Variants in PCDHGA5 observed in about 807,000 individuals in gnomAD.
The protein encoded by PCDHGA5 is protocadherin gamma subfamily A, 5.
Under a neutral mutation model 56.7 loss-of-function variants are expected in PCDHGA5, and 36 were observed. The ratio of observed to expected loss-of-function variants is 0.64; its 90% CI spans 0.49 to 0.84. PCDHGA5 has a LOEUF of 0.84. Among genes scored for constraint, PCDHGA5 ranks in the 40% least tolerant of loss-of-function variants. PCDHGA5 has a pLI of 0.00. For synonymous variants in PCDHGA5, 563 were observed against 520.2 expected, an observed-to-expected ratio of 1.08 and a Z score of -1.12; for missense variants, 1,305 against 1,201.5, an observed-to-expected ratio of 1.09 and a Z score of -1.27.
In PCDHGA5 at chr5:141,490,692, G is replaced by C. The variant is rs751109998; in HGVS notation, c.2422-4115G>C. 16 of 1,614,154 alleles carry C rather than the reference G, an allele frequency of 9.9e-6. 1 individual carries two copies. The Middle Eastern group carries it at 6.6e-4, about 67-fold the overall frequency. ...TGGCTGCCTCAGATCCAGACACTGG[G>C]GATAATGCCCGCCTCACCTACTCCA... On this transcript the variant is annotated intron_variant, in intron 1 of 3. Transcript: ENST00000518069. This position sits in a 1 kb window ranked among gnomAD's most constrained non-coding sequence, Gnocchi z 5.4.
chr5:141,419,240 G>T, intron 1 of PCDHGA5: 1 of 1,613,980 alleles, frequency 6.2e-7, no homozygotes. Flanking sequence ...CCTGGTCCAC[G>T]TGCCAGAAAA....
intron 1 of PCDHGA5, chr5:141,403,495 C>A: frequency 6.2e-7 from 1 of 1,614,014 alleles, no homozygotes; most frequent in Non-Finnish European, 8.5e-7. Context: ...TCTCCCTGAA[C>A]GTGCAGACTG....
In PCDHGA5 at chr5:141,512,848, G is replaced by C. The variant is rs1362051688; in HGVS notation, c.*1675G>C. The C allele has an allele frequency of 6.6e-6, 1 of 152,216 alleles. No individual in the cohort carries two copies. 9.4% of individuals were successfully genotyped at this position (152,216 alleles called of 1,614,324 possible). ...CCCCGTACTGACTTCTCCTATAAGC[G>C]CTTCTCTTCGCATAGTCACGTAGCT... On this transcript the variant is annotated 3_prime_UTR_variant, in exon 4 of 4. Transcript: ENST00000518069.
intron 1 of PCDHGA5, among the ~76,000 whole-genome samples, chr5:141,445,652 A>C (rs1307606419): frequency 6.6e-6 from 1 of 152,212 alleles, no homozygotes; most frequent in African/African-American, 2.4e-5. Context: ...TGAATAGATT[A>C]ATAGGATGAG....
At chr5:141,426,825 A>G (rs747894160) in intron 1 of PCDHGA5, 26 of 456,582 alleles carry the variant, frequency 5.7e-5, no homozygotes, top group Non-Finnish European at 9.3e-5. Context: ...CTCTCTGATG[A>G]TGGACAAGAC....
intron 1 of PCDHGA5, among the ~76,000 whole-genome samples, chr5:141,458,596 G>A (rs907922436): frequency 1.8e-4 from 27 of 151,842 alleles, no homozygotes; most frequent in African/African-American, 5.8e-4. Flanking sequence ...TTGGAGACGA[G>A]TCTCACTCTG....
At chr5:141,402,335 G>A (rs1157845729) in intron 1 of PCDHGA5, among the ~76,000 whole-genome samples, 1 of 151,508 alleles carries the variant, frequency 6.6e-6, no homozygotes, top group Non-Finnish European at 1.5e-5. Context: ...CAAATATATA[G>A]GTATAAAAAT....
At chr5:141,467,110 T>C (rs2099137137) in intron 1 of PCDHGA5, among the ~76,000 whole-genome samples, 1 of 151,604 alleles carries the variant, frequency 6.6e-6, no homozygotes, top group Non-Finnish European at 1.5e-5. Context: ...TGGAGTACAA[T>C]GGTGCAATCT....
In PCDHGA5 at chr5:141,493,269, C is replaced by T. The variant is rs142898207; in HGVS notation, c.2422-1538C>T. ...ACATGCCTCTCTTATAACAGCTTCA[C>T]AGAGGTCAAGTGACTTGCTCAAGTT... is the stretch of plus-strand genomic sequence containing the variant. On this transcript the variant is annotated intron_variant, in intron 1 of 3. Coordinates refer to ENST00000518069, the MANE Select transcript of PCDHGA5 (RefSeq NM_018918.3). This position sits in a 1 kb window ranked among gnomAD's most constrained non-coding sequence, Gnocchi z 4.3. Among the ~76,000 whole-genome samples the T allele has an allele frequency of 1.3e-5, 2 of 152,322 alleles. No individual in the cohort carries two copies. The highest frequency in any genetic ancestry group is 4.8e-5 in the African/African-American group (2 of 41,570).
At chr5:141,383,494 G>A (rs1472112755) in intron 1 of PCDHGA5, 1 of 1,613,248 alleles carries the variant, frequency 6.2e-7, no homozygotes, top group Non-Finnish European at 8.5e-7. Context: ...GCTGGAGCGG[G>A]TGCTGGACCG....
rs576937130 is a variant in PCDHGA5 at position 141,427,508 on chromosome 5, G to A, written c.2421+60757G>A. ...ATAAGCTTGTAACAGATGGGACCCT[G>A]GATTGGGAGCGGATCCCGGAGTACA... On this transcript the variant is annotated intron_variant, in intron 1 of 3. Transcript: ENST00000518069. 9.9e-4 allele frequency: 584 copies of A among 587,058 alleles called. 6 individuals carry two copies. The highest frequency in any genetic ancestry group is 3.0e-4 in the Non-Finnish European group (94 of 311,294). The allele number at this position is 587,058 out of a possible 1,614,324, so 36.4% of individuals were successfully genotyped here.
At chr5:141,418,692 C>T in intron 1 of PCDHGA5, 5 of 1,614,032 alleles carry the variant, frequency 3.1e-6, no homozygotes, top group Non-Finnish European at 4.2e-6. Flanking sequence ...TCAGAGATCA[C>T]TTATTCCTTC....
intron 1 of PCDHGA5, chr5:141,405,033 T>C (rs753061273): frequency 6.8e-6 from 11 of 1,613,844 alleles, no homozygotes; most frequent in Admixed American, 1.7e-5. Context: ...CTCTACCTCG[T>C]TGTGGCTGTG....
intron 1 of PCDHGA5, chr5:141,394,095 G>A: frequency 6.2e-7 from 1 of 1,613,848 alleles, no homozygotes; most frequent in Non-Finnish European, 8.5e-7. Context: ...CTCAGATCTA[G>A]GAACACCACC....
chr5:141,491,409 G>C lies in PCDHGA5; in HGVS notation c.2422-3398G>C, dbSNP rs2099711927. 6.2e-7 allele frequency: 1 copy of C among 1,614,000 alleles called. No homozygotes were observed. Among genetic ancestry groups the C allele is most frequent in the Non-Finnish European group, 8.5e-7 (1 of 1,180,022 alleles). The stretch of plus-strand genomic sequence containing the variant: ...AGTGCCTTCAGGGAAACGCAGACGG[G>C]GACGGGGGTGGAGGGCAGTGCTGCA... On this transcript the variant is annotated intron_variant, in intron 1 of 3. Coordinates refer to ENST00000518069, the MANE Select transcript of PCDHGA5 (RefSeq NM_018918.3). This position sits in a 1 kb window ranked among gnomAD's most constrained non-coding sequence, Gnocchi z 6.9.
intron 1 of PCDHGA5, among the ~76,000 whole-genome samples, chr5:141,451,630 C>T (rs899343801): frequency 2.0e-5 from 3 of 152,132 alleles, no homozygotes; most frequent in Non-Finnish European, 2.9e-5. Flanking sequence ...ACCTGTAATT[C>T]CAGCACTCTG....
At chr5:141,425,253 A>G (rs1019069029) in intron 1 of PCDHGA5, among the ~76,000 whole-genome samples, 12 of 152,196 alleles carry the variant, frequency 7.9e-5, no homozygotes, top group Non-Finnish European at 1.5e-4. Context: ...GATATGAGGT[A>G]TTTGGCTGGG....
At position 141,410,538 on chromosome 5, in the gene PCDHGA5, T is replaced by C. The variant is rs373020361; in HGVS notation, c.2421+43787T>C. The C allele has an allele frequency of 5.6e-6, 9 of 1,613,830 alleles. No homozygotes were observed. The South Asian group carries it at 7.7e-5, about 14-fold the overall frequency. On this transcript the variant is annotated intron_variant, in intron 1 of 3. Transcript: ENST00000518069. ...GTGCCCCTACATTCCAATGAAGACA[T>C]GGTTTGCAGTGTTTCTCCTGGAGCC...
In PCDHGA5 at chr5:141,477,590, C is replaced by T. The variant is rs1465863595; in HGVS notation, c.2422-17217C>T. On this transcript the variant is annotated intron_variant, in intron 1 of 3. Coordinates refer to ENST00000518069, the MANE Select transcript of PCDHGA5 (RefSeq NM_018918.3). This position sits in a 1 kb window ranked among gnomAD's most constrained non-coding sequence, Gnocchi z 4.9. ...CCCCGACGCCCCGCAGAATGCTCGG[C>T]TTTCTTTCTTTCTCTTGGAGCAAGG... The T allele has an allele frequency of 1.2e-6, 2 of 1,614,122 alleles. No individual in the cohort carries two copies. Among genetic ancestry groups the T allele is most frequent in the South Asian group, 2.2e-5 (2 of 91,080 alleles).
Sources: gnomAD v4.1 joint callset for allele counts (sites outside exome capture counted in the v4.1 genomes callset) on GRCh38, gnomAD v4.1.1 for gene constraint, Gnocchi (gnomAD v3.1) non-coding constraint, MANE v1.5 for transcripts, NCBI Gene and HGNC (gene_info 2026-07-23, HGNC 2026-07-21) for gene names.